Variants in RGS3 observed in about 807,000 individuals in gnomAD.
RGS3 encodes regulator of G-protein signalling 3.
A neutral mutation model predicts 132.6 loss-of-function variants in RGS3; 80 were observed. The observed-to-expected ratio is 0.60, with a 90% confidence interval of 0.50 to 0.73. The LOEUF (loss-of-function observed/expected upper bound fraction) is 0.73, where lower values mean the gene tolerates loss of function less well. Among genes scored for constraint, RGS3 ranks in the 30% least tolerant of loss-of-function variants. The pLI is 0.00. For synonymous variants in RGS3, 598 were observed against 620.6 expected, an observed-to-expected ratio of 0.96 and a Z score of 0.54; for missense variants, 1,382 against 1,530.8, an observed-to-expected ratio of 0.90 and a Z score of 1.62.
chr9:113,552,925 T>A (rs932122773), intron 19 of RGS3, among the ~76,000 whole-genome samples: 1 of 152,176 alleles, frequency 6.6e-6, no homozygotes, highest in African/African-American at 2.4e-5. Context: ...TTTGGTTTTT[T>A]AACTGGTAAT....
chr9:113,479,000 G>A (rs973050471), intron 3 of RGS3: 4 of 166,428 alleles, frequency 2.4e-5, no homozygotes, highest in Non-Finnish European at 4.0e-5. Flanking sequence ...AAACAATGCT[G>A]TAGTGCCAGC....
chr9:113,476,881 G>A (rs1249495244), intron 3 of RGS3, among the ~76,000 whole-genome samples: 24 of 152,228 alleles, frequency 1.6e-4, no homozygotes, highest in Admixed American at 1.6e-3. Flanking sequence ...GAGCACAGGG[G>A]TTCCTGTGGC....
Position 113,594,423 on chromosome 9 carries a change from T to A in RGS3, c.3081-7T>A. The A allele has an allele frequency of 6.2e-7, 1 of 1,613,236 alleles. No individual in the cohort carries two copies. On this transcript the variant is annotated splice_polypyrimidine_tract_variant and splice_region_variant and intron_variant, in intron 21 of 24. Transcript: ENST00000350696. ...TGAGCAACCCTCTTTTCTGCTTCTG[T>A]CCCCAGAGCCAAGGACATGAAGAAC...
chr9:113,587,081 C>T (rs1835155765), intron 20 of RGS3, among the ~76,000 whole-genome samples: 1 of 152,204 alleles, frequency 6.6e-6, no homozygotes, highest in Non-Finnish European at 1.5e-5. Context: ...AGGCACTTGG[C>T]TTACAGTGGG....
chr9:113,563,999 T>C (rs140528257), intron 19 of RGS3, among the ~76,000 whole-genome samples: 25 of 152,228 alleles, frequency 1.6e-4, no homozygotes, highest in African/African-American at 5.5e-4. Flanking sequence ...CATCCCAGGA[T>C]GCCTGCTGCT....
chr9:113,512,666 G>A (rs148158788), intron 14 of RGS3, among the ~76,000 whole-genome samples: 2,159 of 152,214 alleles, frequency 0.014, 18 homozygotes, highest in Non-Finnish European at 0.023. Context: ...TTCCCCCCTC[G>A]CTGCCAGGGC....
At chr9:113,594,840 A>G (rs1451505890) in intron 22 of RGS3, 79 bp from the exon 21 acceptor site, 42 of 1,430,684 alleles carry the variant, frequency 2.9e-5, no homozygotes, top group Middle Eastern at 3.5e-4. Context: ...GGCAGTAAAC[A>G]AAGGCCGCCT....
At chr9:113,570,880 C>T (rs1274676822) in intron 19 of RGS3, among the ~76,000 whole-genome samples, 2 of 152,194 alleles carry the variant, frequency 1.3e-5, no homozygotes, top group Non-Finnish European at 2.9e-5. Context: ...AGGTGATCCG[C>T]CCTCCTCAGC....
rs1260751597 is a variant in RGS3 at position 113,582,139 on chromosome 9, G to A, written c.2038-1311G>A. 3.1e-5 allele frequency: 31 copies of A among 985,358 alleles called. No individual in the cohort carries two copies. The South Asian group carries it at 7.1e-4, about 22-fold the overall frequency. The allele number at this position is 985,358 out of a possible 1,614,324, so 61.0% of individuals were successfully genotyped here. A position where few individuals can be genotyped will look rare whatever the true frequency, so the allele number is the denominator to read the frequency against. ...CTGCCCCAAGCCATGGCTGAACACT[G>A]ACTCCCAGCTGTGGGGCTTCACCAT... On this transcript the variant is annotated intron_variant, in intron 19 of 24. Coordinates refer to ENST00000350696, the Ensembl canonical transcript of RGS3.
chr9:113,517,576 G>A (rs771057728), exon 16 of RGS3: 1 of 1,613,590 alleles, frequency 6.2e-7, no homozygotes, highest in South Asian at 1.1e-5. Context: ...GGACCCTCCT[G>A]CTGTCAGAGG....
chr9:113,587,112 T>C (rs745855883), intron 20 of RGS3, among the ~76,000 whole-genome samples: 9 of 151,856 alleles, frequency 5.9e-5, no homozygotes, highest in Non-Finnish European at 1.5e-5. Flanking sequence ...TAGTGAGAGA[T>C]ATTTTGTCCC....
chr9:113,513,212 AAAC>A (rs1470443505), intron 14 of RGS3, among the ~76,000 whole-genome samples: 1 of 152,146 alleles, frequency 6.6e-6, no homozygotes, highest in Non-Finnish European at 1.5e-5. Flanking sequence ...ACAAACAAAA[AAAC>A]AACAACAAAA....
Position 113,579,435 on chromosome 9 carries a change from G to C in RGS3, c.2038-4015G>C, listed in dbSNP as rs1834684742. Among the ~76,000 whole-genome samples, 1 of 152,172 alleles carries C rather than the reference G, an allele frequency of 6.6e-6. No individual in the cohort carries two copies. Among genetic ancestry groups the C allele is most frequent in the African/African-American group, 2.4e-5 (1 of 41,444 alleles). ...AGAGGGCCTGGTTCATTTCCTGTGT[G>C]CTTACAGCAGATGAGACATGGGCAG... On this transcript the variant is annotated intron_variant, in intron 19 of 24. Transcript: ENST00000350696. The surrounding 1 kb of genome is among the most constrained non-coding windows in gnomAD (Gnocchi z 4.3).
chr9:113,476,447 C>T (rs1237346863), intron 3 of RGS3, among the ~76,000 whole-genome samples: 1 of 152,118 alleles, frequency 6.6e-6, no homozygotes, highest in East Asian at 1.9e-4. Flanking sequence ...AGGGGACAGG[C>T]ATGGCCGAGG....
At position 113,579,129 on chromosome 9, in the gene RGS3, C is replaced by T. The variant is rs1834670881; in HGVS notation, c.2038-4321C>T. ...GAGGGCAGATGCAGAGCCCGGCATCCGTGGTGGCTGTGATGAATCATCGGA... is the reference window on the plus strand; with the variant it reads ...GAGGGCAGATGCAGAGCCCGGCATCTGTGGTGGCTGTGATGAATCATCGGA... On this transcript the variant is annotated intron_variant, in intron 19 of 24. Transcript: ENST00000350696. This position sits in a 1 kb window ranked among gnomAD's most constrained non-coding sequence, Gnocchi z 4.3. Among the ~76,000 whole-genome samples, 2 of 152,288 alleles carry T rather than the reference C, an allele frequency of 1.3e-5. No homozygotes were observed. Among genetic ancestry groups the T allele is most frequent in the South Asian group, 2.1e-4 (1 of 4,828 alleles).
At position 113,482,224 on chromosome 9, in the gene RGS3, T is replaced by A. The variant is rs370099432; in HGVS notation, c.467-835T>A. ...TGCACCCACCCCACACCTCTCCCCT[T>A]GCCTTTATTTATTATTATTTTTCTT... On this transcript the variant is annotated intron_variant, in intron 4 of 24. Transcript: ENST00000350696. Among the ~76,000 whole-genome samples the A allele has an allele frequency of 4.6e-5, 7 of 152,204 alleles. 1 individual carries two copies. In the East Asian group the frequency reaches 1.4e-3, roughly 29 times the overall value.
chr9:113,558,205 T>C (rs560400257), intron 19 of RGS3, among the ~76,000 whole-genome samples: 1 of 152,228 alleles, frequency 6.6e-6, no homozygotes, highest in East Asian at 1.9e-4. Flanking sequence ...AGAATGGTGC[T>C]CAAAAGTCTA....
At chr9:113,570,515 A>G (rs1267746019) in intron 19 of RGS3, among the ~76,000 whole-genome samples, 1 of 151,872 alleles carries the variant, frequency 6.6e-6, no homozygotes, top group Non-Finnish European at 1.5e-5. Context: ...TTCCAGAAAA[A>G]TTAGAAGAAT....
intron 7 of RGS3, among the ~76,000 whole-genome samples, chr9:113,494,211 T>C (rs1830612650): frequency 6.6e-6 from 1 of 152,094 alleles, no homozygotes; most frequent in Admixed American, 6.6e-5. Flanking sequence ...ATTGATACTG[T>C]CTTTTTTTTT....
Sources: allele counts gnomAD v4.1 joint callset (sites outside exome capture counted in the v4.1 genomes callset), GRCh38; gene constraint gnomAD v4.1.1; non-coding constraint Gnocchi (gnomAD v3.1); transcripts MANE v1.5; gene names NCBI Gene and HGNC (gene_info 2026-07-23, HGNC 2026-07-21).